TSBP1: variants seen among roughly 807,000 people sequenced by gnomAD.
The protein encoded by TSBP1 is testis expressed basic protein 1.
A neutral mutation model predicts 68.8 loss-of-function variants in TSBP1; 56 were observed. The observed-to-expected ratio is 0.81, with a 90% CI of 0.66 to 1.02. TSBP1 has a LOEUF of 1.02. TSBP1 is among the 50% of genes least tolerant of loss of function. The probability of loss-of-function intolerance (pLI) is 0.00; values close to 1 mark genes in which losing one functional copy is unlikely to be tolerated. For synonymous variants in TSBP1, 171 were observed against 208.7 expected, an observed-to-expected ratio of 0.82 and a Z score of 1.56; for missense variants, 502 against 641.2, an observed-to-expected ratio of 0.78 and a Z score of 2.34.
At chr6:32,363,106 A>AT (rs1198920355) in intron 6 of TSBP1, among the ~76,000 whole-genome samples, 1 of 152,156 alleles carries the variant, frequency 6.6e-6, no homozygotes, top group Non-Finnish European at 1.5e-5. Flanking sequence ...TTAGCCCTTT[A>AT]TAATTATATA....
At chr6:32,339,325 AAATT>A (rs1019535484) in intron 10 of TSBP1, 5 of 535,800 alleles carry the variant, frequency 9.3e-6, no homozygotes, top group Admixed American at 6.9e-5. Flanking sequence ...TTAAATGAAA[AAATT>A]AATCAGTCAC....
chr6:32,362,397 A>G (rs9268329), intron 6 of TSBP1, among the ~76,000 whole-genome samples: 51,049 of 151,938 alleles, frequency 0.34, 9,620 homozygotes, highest in Middle Eastern at 0.52. Context: ...CCCAGTAGCA[A>G]GAAGGCTCTC....
Position 32,294,037 on chromosome 6 carries a change from T to C in TSBP1, c.638-2A>G, listed in dbSNP as rs1250399756. 1 of 1,606,510 alleles carries C rather than the reference T, an allele frequency of 6.2e-7. No homozygotes were observed. Among genetic ancestry groups the C allele is most frequent in the South Asian group, 1.1e-5 (1 of 90,276 alleles). On this transcript the variant is annotated splice_acceptor_variant, in intron 22 of 22. Coordinates refer to ENST00000612031, the Ensembl canonical transcript of TSBP1. LOFTEE classifies it high-confidence loss of function. ...CATCCATGTAACCTGTTAATATAAC[T>C]GAGCATACAACAAAAGGGCGTGATT...
intron 10 of TSBP1, 140 bp downstream of exon 11, chr6:32,339,460 C>T: frequency 2.7e-6 from 2 of 738,736 alleles, no homozygotes; most frequent in South Asian, 1.4e-5. Context: ...CCCCATTCCT[C>T]TGGTAGCAGG....
chr6:32,368,674 C>T, intron 3 of TSBP1, 108 bp downstream of exon 3: 1 of 1,178,174 alleles, frequency 8.5e-7, no homozygotes, highest in Non-Finnish European at 1.2e-6. Flanking sequence ...CAATGGTGCA[C>T]TATGCAAGGT....
At chr6:32,310,822 T>C (rs1281348622) in intron 19 of TSBP1, among the ~76,000 whole-genome samples, 2 of 151,344 alleles carry the variant, frequency 1.3e-5, no homozygotes, top group Non-Finnish European at 2.9e-5. Flanking sequence ...AGCCACAACC[T>C]ATCAGAACTC....
intron 9 of TSBP1, among the ~76,000 whole-genome samples, chr6:32,346,843 T>A (rs565025429): frequency 8.4e-5 from 11 of 131,666 alleles, no homozygotes; most frequent in South Asian, 5.2e-4. Context: ...CTCAATTTTT[T>A]AAAAAAATAC....
rs1332819176 is a variant in TSBP1, at chr6:32,324,769, A to C, written c.515-1155T>G. 7 of 1,505,370 alleles carry C rather than the reference A, an allele frequency of 4.7e-6. No homozygotes were observed. The East Asian group carries it at 1.7e-4, about 37-fold the overall frequency. The allele number at this position is 1,505,370 out of a possible 1,614,324, so 93.3% of individuals were successfully genotyped here. ...TTCTATTGGTAAATTTACTAGTGATATACTTGCTTGAACATTTTTTTTTTT... is the reference window on the plus strand; with the variant it reads ...TTCTATTGGTAAATTTACTAGTGATCTACTTGCTTGAACATTTTTTTTTTT... On this transcript the variant is annotated intron_variant, in intron 16 of 22. Transcript: ENST00000612031.
rs367547973 is a variant in TSBP1, at chr6:32,344,991, G to A, written c.349+4749C>T. Among the ~76,000 whole-genome samples, 26 of 152,058 alleles carry A rather than the reference G, an allele frequency of 1.7e-4. No individual in the cohort carries two copies. In the South Asian group the frequency reaches 5.4e-3, roughly 32 times the overall value. On this transcript the variant is annotated intron_variant, in intron 9 of 22. Coordinates refer to ENST00000612031, the Ensembl canonical transcript of TSBP1. Reference sequence around the variant, plus strand: ...CCAACTCAGCCTCCCATGTAGCTAGGACTACAGGCATGCCACCATGCCCTA... The same window carrying A: ...CCAACTCAGCCTCCCATGTAGCTAGAACTACAGGCATGCCACCATGCCCTA...
rs1583085819 is a variant in TSBP1 at position 32,335,566 on chromosome 6, A to G, written c.452-109T>C. On this transcript the variant is annotated intron_variant, in intron 13 of 22. Coordinates refer to ENST00000612031, the Ensembl canonical transcript of TSBP1. This position sits in a 1 kb window ranked among gnomAD's most constrained non-coding sequence, Gnocchi z 5.5. ...TTCCCTAGTAGGAATCTGCATCACT[A>G]TTGTCAAGTTCAGCTGCAGTTGAGT... 3 of 910,698 alleles carry G rather than the reference A, an allele frequency of 3.3e-6. No homozygotes were observed. The highest frequency in any genetic ancestry group is 8.2e-5 in the Admixed American group (2 of 24,488). 56.4% of individuals were successfully genotyped at this position (910,698 alleles called of 1,614,324 possible).
intron 6 of TSBP1, among the ~76,000 whole-genome samples, chr6:32,358,754 T>C (rs9268307): frequency 0.34 from 50,907 of 151,698 alleles, 9,612 homozygotes; most frequent in Middle Eastern, 0.52. Flanking sequence ...TCATCCTTTT[T>C]TATTGCTGCA....
chr6:32,317,145 A>G (rs1169029251), intron 18 of TSBP1, among the ~76,000 whole-genome samples: 1 of 152,190 alleles, frequency 6.6e-6, no homozygotes, highest in Non-Finnish European at 1.5e-5. Flanking sequence ...GAGCCCAGAA[A>G]TAAGGCCACA....
chr6:32,293,119 G>A (rs1319431678), exon 23 of TSBP1: 1 of 1,597,180 alleles, frequency 6.3e-7, no homozygotes, highest in African/African-American at 1.3e-5. Flanking sequence ...TTGTGTTTTT[G>A]TCACCTTTTT....
chr6:32,312,050 T>C (rs1766460017), intron 19 of TSBP1, among the ~76,000 whole-genome samples: 2 of 152,064 alleles, frequency 1.3e-5, no homozygotes, highest in Admixed American at 6.5e-5. Flanking sequence ...AGCAATGAAG[T>C]GTATTGCTCG....
chr6:32,333,609 T>G lies in TSBP1; in HGVS notation c.473-1555A>C, dbSNP rs1190444774. 6.6e-6 allele frequency among the ~76,000 whole-genome samples: 1 copy of G among 152,156 alleles called. No individual in the cohort carries two copies. Among genetic ancestry groups the G allele is most frequent in the Non-Finnish European group, 1.5e-5 (1 of 68,020 alleles). ...GCTATGTGGACACCTGCATAGATCA[T>G]GGCGAGTACTACTCCCACAGCAGAG... is the stretch of plus-strand genomic sequence containing the variant. On this transcript the variant is annotated intron_variant, in intron 14 of 22. Transcript: ENST00000612031. This position sits in a 1 kb window ranked among gnomAD's most constrained non-coding sequence, Gnocchi z 4.2.
exon 23 of TSBP1, chr6:32,293,936 C>T (rs139286311): frequency 8.1e-6 from 13 of 1,612,544 alleles, no homozygotes; most frequent in South Asian, 1.1e-5. Flanking sequence ...GTTTTCTTCT[C>T]GGCTATTCTG....
intron 1 of TSBP1, among the ~76,000 whole-genome samples, chr6:32,371,054 C>T (rs183396944): frequency 6.6e-6 from 1 of 152,288 alleles, no homozygotes; most frequent in African/African-American, 2.4e-5. Flanking sequence ...AGGCATTTGT[C>T]TACTGAGTCT....
intron 18 of TSBP1, among the ~76,000 whole-genome samples, chr6:32,317,084 C>T (rs1767040064): frequency 1.3e-5 from 2 of 152,072 alleles, no homozygotes; most frequent in Non-Finnish European, 2.9e-5. Context: ...GTAAGCAAAA[C>T]AGTATGGCAC....
intron 22 of TSBP1, 103 bp downstream of exon 25, chr6:32,299,819 C>A: frequency 1.1e-6 from 1 of 897,382 alleles, no homozygotes; most frequent in Non-Finnish European, 1.8e-6. Flanking sequence ...TTCAAATTGG[C>A]CTTAGAAGCA....
Sources: gnomAD v4.1 joint callset for allele counts (sites outside exome capture counted in the v4.1 genomes callset) on GRCh38, gnomAD v4.1.1 for gene constraint, Gnocchi (gnomAD v3.1) non-coding constraint, MANE v1.5 for transcripts, NCBI Gene and HGNC (gene_info 2026-07-23, HGNC 2026-07-21) for gene names.